The following SNX29 variants were observed in gnomAD, a reference collection of about 807,000 sequenced individuals.
SNX29 encodes sorting nexin-29.
SNX29 carries 78 observed loss-of-function variants against 102.1 expected under a neutral mutation model. The observed-to-expected ratio is 0.76, with a 90% CI of 0.64 to 0.92. SNX29 has a LOEUF of 0.92. SNX29 is among the 40% of genes least tolerant of loss of function. The probability of loss-of-function intolerance (pLI) is 0.00; values close to 1 mark genes in which losing one functional copy is unlikely to be tolerated. For missense variants in SNX29, 1,280 were observed against 1,061.7 expected, an observed-to-expected ratio of 1.21 and a Z score of -2.86; for synonymous variants, 580 against 414.5, an observed-to-expected ratio of 1.40 and a Z score of -4.85.
At chr16:12,285,134 C>G (rs2079551285) in intron 15 of SNX29, among the ~76,000 whole-genome samples, 1 of 152,208 alleles carries the variant, frequency 6.6e-6, no homozygotes, top group South Asian at 2.1e-4. Context: ...CAGCGGTGCT[C>G]TCACTTAGGT....
At chr16:12,124,208 T>A (rs1427904801) in intron 11 of SNX29, among the ~76,000 whole-genome samples, 1 of 151,852 alleles carries the variant, frequency 6.6e-6, no homozygotes, top group Non-Finnish European at 1.5e-5. Context: ...ATACAAAAAT[T>A]AGCCAGGCGT....
chr16:12,389,036 C>T (rs577491517), intron 16 of SNX29, among the ~76,000 whole-genome samples: 1 of 152,294 alleles, frequency 6.6e-6, no homozygotes, highest in East Asian at 1.9e-4. Flanking sequence ...TTAAATACTG[C>T]TCAGTGGTCC....
At chr16:12,554,683 C>T (rs144515599) in intron 20 of SNX29, among the ~76,000 whole-genome samples, 2 of 152,328 alleles carry the variant, frequency 1.3e-5, no homozygotes, top group South Asian at 4.1e-4. Flanking sequence ...GATGCCAATT[C>T]TCAGCATCCC....
intron 19 of SNX29, among the ~76,000 whole-genome samples, chr16:12,520,894 TCAC>T (rs1380269983): frequency 6.6e-6 from 1 of 152,136 alleles, no homozygotes; most frequent in African/African-American, 2.4e-5. Flanking sequence ...GTTTCAGAAT[TCAC>T]CACTAAAGAA....
chr16:12,476,417 T>TATATATATATACAC (rs2087635096), intron 18 of SNX29, among the ~76,000 whole-genome samples: 2 of 23,968 alleles, frequency 8.3e-5, no homozygotes, highest in Non-Finnish European at 1.4e-4. Flanking sequence ...TATATACATA[T>TATATATATATACAC]ATATATATAT....
In SNX29 at chr16:12,566,088, G is replaced by C. The variant is rs532935766; in HGVS notation, c.2319-2418G>C. On this transcript the variant is annotated intron_variant, in intron 20 of 20. Coordinates refer to ENST00000566228, the MANE Select transcript of SNX29 (RefSeq NM_032167.5). Reference sequence around the variant, plus strand: ...GTCTCTCTAGGCACTTGATCCCCATGATGCTTAAAACCACCCCACCTTTAT... The same window carrying C: ...GTCTCTCTAGGCACTTGATCCCCATCATGCTTAAAACCACCCCACCTTTAT... Among the ~76,000 whole-genome samples the C allele has an allele frequency of 2.6e-5, 4 of 152,328 alleles. No homozygotes were observed. The East Asian group carries it at 7.7e-4, about 29-fold the overall frequency.
At chr16:12,358,122 C>T (rs2082194220) in intron 16 of SNX29, among the ~76,000 whole-genome samples, 1 of 152,130 alleles carries the variant, frequency 6.6e-6, no homozygotes, top group Non-Finnish European at 1.5e-5. Flanking sequence ...GAAATTGCGG[C>T]GTTTTAGTGT....
At chr16:12,190,859 G>A (rs375232599) in intron 13 of SNX29, among the ~76,000 whole-genome samples, 1 of 152,166 alleles carries the variant, frequency 6.6e-6, no homozygotes, top group African/African-American at 2.4e-5. Context: ...CCAAGATGAC[G>A]CTGGGGGAAA....
chr16:12,122,035 T>G (rs371160697), intron 11 of SNX29, among the ~76,000 whole-genome samples: 15 of 152,280 alleles, frequency 9.9e-5, no homozygotes, highest in East Asian at 7.7e-4. Flanking sequence ...GGGATGGTCT[T>G]CATCTCCTGA....
At chr16:11,991,565 T>A (rs767948762) in intron 1 of SNX29, among the ~76,000 whole-genome samples, 1 of 152,150 alleles carries the variant, frequency 6.6e-6, no homozygotes, top group Non-Finnish European at 1.5e-5. Context: ...TATTTTGAGA[T>A]GGAGTCTCAC....
rs1259305785 is a variant in SNX29, at chr16:12,401,343, A to G, written c.1956-2105A>G. Among the ~76,000 whole-genome samples the G allele has an allele frequency of 2.3e-4, 35 of 149,686 alleles. No individual in the cohort carries two copies. In the Admixed American group the frequency reaches 2.3e-3, roughly 10 times the overall value. ...GAAATCATCCAAAGTATCTTCCTTG[A>G]CCACAATAGAGTTAAATTTTTTTTT... On this transcript the variant is annotated intron_variant, in intron 17 of 20. Transcript: ENST00000566228.
chr16:12,547,179 G>A (rs911716891), intron 20 of SNX29, among the ~76,000 whole-genome samples: 1 of 152,218 alleles, frequency 6.6e-6, no homozygotes, highest in Non-Finnish European at 1.5e-5. Flanking sequence ...TATGGTCTAG[G>A]AAGATGACAG....
At chr16:12,300,301 C>G (rs1433569661) in intron 15 of SNX29, among the ~76,000 whole-genome samples, 1 of 152,190 alleles carries the variant, frequency 6.6e-6, no homozygotes, top group African/African-American at 2.4e-5. Flanking sequence ...TCTTCCACCA[C>G]TTTCTCCAAC....
intron 13 of SNX29, among the ~76,000 whole-genome samples, chr16:12,178,889 T>C (rs1368390601): frequency 6.6e-6 from 1 of 152,246 alleles, no homozygotes; most frequent in African/African-American, 2.4e-5. Context: ...TCTGAGGCTG[T>C]GTCTGTATTG....
At chr16:12,543,399 G>A (rs1356858015) in intron 20 of SNX29, among the ~76,000 whole-genome samples, 1 of 152,142 alleles carries the variant, frequency 6.6e-6, no homozygotes, top group Non-Finnish European at 1.5e-5. Flanking sequence ...AGAAGGAGGG[G>A]GCCCGATTCA....
At chr16:12,345,097 T>A (rs1006027314) in intron 15 of SNX29, among the ~76,000 whole-genome samples, 2 of 152,190 alleles carry the variant, frequency 1.3e-5, no homozygotes, top group Non-Finnish European at 2.9e-5. Context: ...CCTACAAGTG[T>A]CTGGTGTTGT....
chr16:12,356,085 G>A lies in SNX29; in HGVS notation c.1783-78G>A, dbSNP rs931882324. On this transcript the variant is annotated intron_variant, in intron 15 of 20. Coordinates refer to ENST00000566228, the MANE Select transcript of SNX29 (RefSeq NM_032167.5). ...ATGTTTTGCTGACAGGTGTCAGGAA[G>A]GAGAGTCCAGAGAAGGCGGGATTGG... The A allele has an allele frequency of 2.2e-6, 3 of 1,349,244 alleles. No homozygotes were observed. The Middle Eastern group carries it at 5.4e-4, about 243-fold the overall frequency. 83.6% of individuals were successfully genotyped at this position (1,349,244 alleles called of 1,614,324 possible).
At position 12,569,909 on chromosome 16, in the gene SNX29, GAC is replaced by G. The variant is rs2079150542; in HGVS notation, c.*1284_*1285del. 4.3e-6 allele frequency: 1 copy of G among 232,198 alleles called. No individual in the cohort carries two copies. Among genetic ancestry groups the G allele is most frequent in the Non-Finnish European group, 8.5e-6 (1 of 117,382 alleles). 14.4% of individuals were successfully genotyped at this position (232,198 alleles called of 1,614,324 possible). A position where few individuals can be genotyped will look rare whatever the true frequency, so the allele number is the denominator to read the frequency against. On this transcript the variant is annotated 3_prime_UTR_variant, in exon 21 of 21. Coordinates refer to ENST00000566228, the MANE Select transcript of SNX29 (RefSeq NM_032167.5). ...GTGTTTCGCCTTAATCTGAGGCAGA[GAC>G]ACAGCAGAACCTGAGGAGAAAAGCA...
chr16:12,539,566 T>A (rs1597825276), intron 20 of SNX29, among the ~76,000 whole-genome samples: 1 of 152,206 alleles, frequency 6.6e-6, no homozygotes, highest in African/African-American at 2.4e-5. Context: ...CAGCTTTTTG[T>A]GTGAACAAAA....
Sources: gnomAD v4.1 joint callset for allele counts (sites outside exome capture counted in the v4.1 genomes callset) on GRCh38, gnomAD v4.1.1 for gene constraint, MANE v1.5 for transcripts, NCBI Gene and HGNC (gene_info 2026-07-23, HGNC 2026-07-21) for gene names.